Variants in RANBP2 observed in about 807,000 individuals in gnomAD.
RANBP2 encodes E3 SUMO-protein ligase RanBP2.
A neutral mutation model predicts 303.6 loss-of-function variants in RANBP2; 57 were observed. The ratio of observed to expected loss-of-function variants is 0.19; its 90% CI spans 0.15 to 0.23. RANBP2 has a LOEUF of 0.23. Among genes scored for constraint, RANBP2 ranks in the 10% least tolerant of loss-of-function variants. RANBP2 has a pLI of 1.00. For synonymous variants in RANBP2, 1,167 were observed against 1,301.5 expected, an observed-to-expected ratio of 0.90 and a Z score of 2.23; for missense variants, 3,138 against 3,780.8, an observed-to-expected ratio of 0.83 and a Z score of 4.46.
At chr2:109,496,571 TCCTGCCCCTTTGACC>T in the RANBP2 span, among the ~76,000 whole-genome samples, 1 of 152,248 alleles carries the variant, frequency 6.6e-6, no homozygotes, top group Admixed American at 6.5e-5. Context: ...CCTGGCCGAC[TCCTGCCCCTTTGACC>T]TGCTTCTCCC....
the RANBP2 span, among the ~76,000 whole-genome samples, chr2:109,090,851 T>C: frequency 6.6e-6 from 1 of 152,254 alleles, no homozygotes; most frequent in South Asian, 2.1e-4. Flanking sequence ...CTTATATATA[T>C]CATTGATTTC....
the RANBP2 span, among the ~76,000 whole-genome samples, chr2:109,286,775 C>T: frequency 6.6e-6 from 1 of 152,148 alleles, no homozygotes; most frequent in African/African-American, 2.4e-5. Flanking sequence ...GCAGAGTGGA[C>T]GCTGCCCCAT....
the RANBP2 span, among the ~76,000 whole-genome samples, chr2:109,099,613 A>C: frequency 6.6e-6 from 1 of 151,654 alleles, no homozygotes; most frequent in East Asian, 1.9e-4. Context: ...CAGTTAGCTG[A>C]GAGCCTTGGG....
the RANBP2 span, among the ~76,000 whole-genome samples, chr2:109,047,410 C>T: frequency 6.6e-6 from 1 of 152,208 alleles, no homozygotes; most frequent in African/African-American, 2.4e-5. Context: ...GCACTCAGTT[C>T]CCATGCATGG....
chr2:109,262,846 T>C, the RANBP2 span, among the ~76,000 whole-genome samples: 1 of 152,178 alleles, frequency 6.6e-6, no homozygotes, highest in African/African-American at 2.4e-5. Flanking sequence ...CTTTTTTATT[T>C]TTTTGAGACA....
At chr2:109,324,037 A>G in the RANBP2 span, among the ~76,000 whole-genome samples, 3 of 152,150 alleles carry the variant, frequency 2.0e-5, no homozygotes, top group East Asian at 1.9e-4. Context: ...CTTTCTGGAC[A>G]TTTCTATGAA....
At chr2:109,105,258 C>T in the RANBP2 span, among the ~76,000 whole-genome samples, 3 of 152,194 alleles carry the variant, frequency 2.0e-5, no homozygotes, top group African/African-American at 7.2e-5. Flanking sequence ...CGATATATGA[C>T]CTTCCTCTAG....
At chr2:109,279,509 C>A in the RANBP2 span, among the ~76,000 whole-genome samples, 1 of 152,148 alleles carries the variant, frequency 6.6e-6, no homozygotes, top group South Asian at 2.1e-4. Flanking sequence ...CTGGGGAAGT[C>A]GCCACCGCCC....
chr2:108,842,202 GT>G, the RANBP2 span, among the ~76,000 whole-genome samples: 108,149 of 142,270 alleles, frequency 0.76, 41,538 homozygotes, highest in East Asian at 0.9. Flanking sequence ...TAATTAAAAA[GT>G]TTTTTTTTTT....
At position 108,782,190 on chromosome 2, in the gene RANBP2, T is replaced by C; in HGVS notation, c.8823T>C (p.Tyr2941=). Residue 2941 remains tyrosine (Y), a synonymous_variant, in exon 27 of 29, where the codon TAT becomes TAC. Transcript: ENST00000283195. The part of the protein sequence containing the change: ...EILFKERAKL[Y]RWDRDVSQWK... Reference sequence around the variant, plus strand: ...TGTTTAAAGAGAGAGCCAAACTTTATAGATGGGATCGGGATGTCAGTCAGT... The same window carrying C: ...TGTTTAAAGAGAGAGCCAAACTTTACAGATGGGATCGGGATGTCAGTCAGT... 1 of 1,614,210 alleles carries C rather than the reference T, an allele frequency of 6.2e-7. No individual in the cohort carries two copies. Among genetic ancestry groups the C allele is most frequent in the South Asian group, 1.1e-5 (1 of 91,084 alleles).
At chr2:109,278,652 G>A in the RANBP2 span, among the ~76,000 whole-genome samples, 138 of 152,348 alleles carry the variant, frequency 9.1e-4, no homozygotes, top group African/African-American at 3.3e-3. Flanking sequence ...TTGGCTTCAA[G>A]CTTTGATTAG....
At chr2:109,443,923 C>G in the RANBP2 span, among the ~76,000 whole-genome samples, 2 of 152,282 alleles carry the variant, frequency 1.3e-5, no homozygotes, top group Non-Finnish European at 2.9e-5. Context: ...TTCTACCCAA[C>G]AACAGCAAAA....
At chr2:109,181,468 G>A in the RANBP2 span, among the ~76,000 whole-genome samples, 8 of 152,170 alleles carry the variant, frequency 5.3e-5, no homozygotes, top group East Asian at 1.5e-3. Context: ...GTGAAGAAAG[G>A]ATTCCACTGG....
the RANBP2 span, among the ~76,000 whole-genome samples, chr2:109,096,636 A>G: frequency 1.3e-5 from 2 of 152,216 alleles, no homozygotes; most frequent in Non-Finnish European, 2.9e-5. Context: ...GAGAGCTGAA[A>G]TGTTCATGAA....
chr2:108,744,627 G>C (rs187255100), intron 7 of RANBP2, among the ~76,000 whole-genome samples: 18 of 152,280 alleles, frequency 1.2e-4, no homozygotes, highest in Non-Finnish European at 2.5e-4. Context: ...ATGATGTTTA[G>C]AAAACTTGTG....
the RANBP2 span, among the ~76,000 whole-genome samples, chr2:109,196,852 A>C: frequency 6.6e-6 from 1 of 152,192 alleles, no homozygotes; most frequent in Non-Finnish European, 1.5e-5. Context: ...TCCTGCCAAG[A>C]GACAGAGGTG....
At chr2:109,423,975 G>T in the RANBP2 span, among the ~76,000 whole-genome samples, 2 of 152,230 alleles carry the variant, frequency 1.3e-5, no homozygotes, top group African/African-American at 4.8e-5. Context: ...CATAGACCCT[G>T]GCGGGCAAAG....
chr2:108,941,502 C>T, the RANBP2 span, among the ~76,000 whole-genome samples: 23 of 152,152 alleles, frequency 1.5e-4, 1 homozygote, highest in Admixed American at 1.4e-3. Flanking sequence ...GGCTTCCTGG[C>T]GACCCTTCCT....
Position 108,784,676 on chromosome 2 carries a change from A to G in RANBP2, c.*775A>G, listed in dbSNP as rs1389963739. 3.9e-5 allele frequency: 6 copies of G among 152,642 alleles called. No homozygotes were observed. Among genetic ancestry groups the G allele is most frequent in the Admixed American group, 3.9e-4 (6 of 15,278 alleles). 9.5% of individuals were successfully genotyped at this position (152,642 alleles called of 1,614,324 possible). A position where few individuals can be genotyped will look rare whatever the true frequency, so the allele number is the denominator to read the frequency against. On this transcript the variant is annotated 3_prime_UTR_variant, in exon 29 of 29. Coordinates refer to ENST00000283195, the MANE Select transcript of RANBP2 (RefSeq NM_006267.5). Reference sequence around the variant, plus strand: ...TTGTAGTTATTGTGATAAAGTATGAATATTTTTAGAAAGTCTATACCATGT... The same window carrying G: ...TTGTAGTTATTGTGATAAAGTATGAGTATTTTTAGAAAGTCTATACCATGT...
Sources: allele counts gnomAD v4.1 joint callset (sites outside exome capture counted in the v4.1 genomes callset), GRCh38; gene constraint gnomAD v4.1.1; transcripts MANE v1.5; gene names NCBI Gene and HGNC (gene_info 2026-07-23, HGNC 2026-07-21).